KRT85: variants seen among roughly 807,000 people sequenced by gnomAD.
The protein encoded by KRT85 is keratin, type II cuticular Hb5.
Under a neutral mutation model 53.7 loss-of-function variants are expected in KRT85, and 39 were observed. That is an observed-to-expected ratio of 0.73 (90% CI 0.56 to 0.95). The LOEUF (loss-of-function observed/expected upper bound fraction) is 0.95, where lower values mean the gene tolerates loss of function less well. Ranked by LOEUF, KRT85 falls within the 40% of genes least tolerant of loss-of-function variation. KRT85 has a pLI of 0.00. For missense variants in KRT85, 668 were observed against 686.0 expected, an observed-to-expected ratio of 0.97 and a Z score of 0.29; for synonymous variants, 291 against 277.5, an observed-to-expected ratio of 1.05 and a Z score of -0.48.
At chr12:52,365,209 G>A (rs1939254903) in intron 1 of KRT85, 39 bp from the exon 2 acceptor site, 2 of 1,604,462 alleles carry the variant, frequency 1.2e-6, no homozygotes, top group Admixed American at 1.7e-5. Context: ...GAGGGAGCCT[G>A]GGGGGAGGCA....
intron 5 of KRT85, 84 bp from the exon 6 acceptor site, chr12:52,363,063 C>A: frequency 6.2e-7 from 1 of 1,605,594 alleles, no homozygotes; most frequent in South Asian, 1.1e-5. Context: ...ACAGGTTGTA[C>A]GGTGCTCAGC....
chr12:52,364,005 C>G, intron 4 of KRT85, 63 bp downstream of exon 4: 2 of 1,275,350 alleles, frequency 1.6e-6, no homozygotes, highest in Non-Finnish European at 2.3e-6. Context: ...CCTTGCCTCA[C>G]TGCTCCCCTG....
rs189020838 is a variant in KRT85 at position 52,364,320 on chromosome 12, C to G, written c.676G>C (p.Val226Leu). 8.1e-6 allele frequency: 13 copies of G among 1,614,194 alleles called. No homozygotes were observed. The East Asian group carries it at 1.1e-4, about 14-fold the overall frequency. Residue 226 changes from valine (V) to leucine (L), a missense_variant, in exon 3 of 9, where the codon GTC becomes CTC. By Grantham distance (32) the Val-to-Leu change is conservative. Coordinates refer to ENST00000257901, the MANE Select transcript of KRT85 (RefSeq NM_002283.4). ...CAGCCCCTCACCTTCTTTAGAACGA[C>G]AAACTCATTCTCTGCTGTGGCTCTC... The part of the protein sequence containing the change: ...ALRATAENEF[V>L]VLKKDVDCAY...
chr12:52,362,997 G>C lies in KRT85; in HGVS notation c.952-18C>G, dbSNP rs1939216670. 2 of 1,614,122 alleles carry C rather than the reference G, an allele frequency of 1.2e-6. No homozygotes were observed. Among genetic ancestry groups the C allele is most frequent in the African/African-American group, 2.7e-5 (2 of 75,016 alleles). ...TCCTCACACTGGAGGAAGTAGAGAT[G>C]CTCATGAGGCTCAGGGTGGGGCCCC... is the stretch of plus-strand genomic sequence containing the variant. On this transcript the variant is annotated intron_variant, in intron 5 of 8. Coordinates refer to ENST00000257901, the MANE Select transcript of KRT85 (RefSeq NM_002283.4).
In KRT85 at chr12:52,365,065, T is replaced by G; in HGVS notation, c.526A>C (p.Ile176Leu). ...TCGGCCTCCCGCCGCAGAGTCTCGA[T>G]GTAGCCACTGAACAGTGGCTCCAGG... ...SNLEPLFSGY[I>L]ETLRREAECV... is the part of the protein sequence containing the mutation. The change falls in exon 2 of 9, where the codon ATC (isoleucine) becomes CTC (leucine). Residue 176 changes from isoleucine to leucine, a missense_variant. Physicochemically the swap from Ile to Leu is conservative, Grantham distance 5. Transcript: ENST00000257901. The G allele has an allele frequency of 6.2e-7, 1 of 1,613,936 alleles. No homozygotes were observed. The highest frequency in any genetic ancestry group is 8.5e-7 in the Non-Finnish European group (1 of 1,180,054).
chr12:52,363,701 T>C (rs1237673242), intron 4 of KRT85, among the ~76,000 whole-genome samples: 2 of 152,204 alleles, frequency 1.3e-5, no homozygotes, highest in Admixed American at 1.3e-4. Flanking sequence ...GTTTGGAGGC[T>C]AGGATGAGTG....
At chr12:52,361,614 A>G (rs1939191994) in intron 7 of KRT85, 116 bp from the exon 8 acceptor site, 1 of 906,162 alleles carries the variant, frequency 1.1e-6, no homozygotes, top group East Asian at 2.5e-5. Context: ...CTGAAAGGCA[A>G]GAAGGGCTCC....
Position 52,362,834 on chromosome 12 carries a change from G to A in KRT85, c.1077+20C>T, listed in dbSNP as rs745736301. ...TGCAGCCTGCCTGTGCTGCGTATTT[G>A]AATCCTCCACAGACCCCACCTGGCA... On this transcript the variant is annotated intron_variant, in intron 6 of 8. Transcript: ENST00000257901. The A allele has an allele frequency of 2.5e-6, 4 of 1,614,050 alleles. No homozygotes were observed. The highest frequency in any genetic ancestry group is 3.4e-6 in the Non-Finnish European group (4 of 1,180,054).
At position 52,364,316 on chromosome 12, in the gene KRT85, A is replaced by C; in HGVS notation, c.680T>G (p.Val227Gly). 3.7e-6 allele frequency: 6 copies of C among 1,614,082 alleles called. No individual in the cohort carries two copies. Among genetic ancestry groups the C allele is most frequent in the Non-Finnish European group, 5.1e-6 (6 of 1,180,008 alleles). The part of the protein sequence containing the change: ...LRATAENEFV[V>G]LKKDVDCAYL... ...TGACCAGCCCCTCACCTTCTTTAGAACGACAAACTCATTCTCTGCTGTGGC... is the reference window on the plus strand; with the variant it reads ...TGACCAGCCCCTCACCTTCTTTAGACCGACAAACTCATTCTCTGCTGTGGC... Residue 227 changes from valine to glycine, a missense_variant, in exon 3 of 9, where the codon GTT becomes GGT. Physicochemically the swap from Val to Gly is moderately radical, Grantham distance 109 (BLOSUM62 -3). Around this residue, in one of 3 missense-constraint regions of KRT85, gnomAD observed 488 missense variants for 498.1 expected, o/e 0.98. Coordinates refer to ENST00000257901, the MANE Select transcript of KRT85 (RefSeq NM_002283.4).
chr12:52,365,274 T>G, intron 1 of KRT85, 104 bp from the exon 2 acceptor site: 2 of 1,237,044 alleles, frequency 1.6e-6, no homozygotes, highest in Non-Finnish European at 2.3e-6. Context: ...GGCTGAGCCA[T>G]AAAGCTGAGT....
rs572711402 is a variant in KRT85 at position 52,363,064 on chromosome 12, G to A, written c.952-85C>T. 1,869 of 1,602,626 alleles carry A rather than the reference G, an allele frequency of 1.2e-3. 2 individuals are homozygous for A. Among genetic ancestry groups the A allele is most frequent in the Non-Finnish European group, 1.4e-3 (1,600 of 1,171,138 alleles). ...CCACAGATGACTATACAGGTTGTAC[G>A]GTGCTCAGCCTGTGCAACCACACAT... On this transcript the variant is annotated intron_variant, in intron 5 of 8. Transcript: ENST00000257901.
rs2298795 is a variant in KRT85 at position 52,365,210 on chromosome 12, G to C, written c.421-40C>G. 193,271 of 1,605,996 alleles carry C rather than the reference G, an allele frequency of 0.12. 15,375 individuals are homozygous for C. Among genetic ancestry groups the C allele is most frequent in the East Asian group, 0.46 (20,558 of 44,798 alleles). ...GAAAGAAGAAGTCAGAGGGAGCCTGGGGGGAGGCACCTGGTCCCCCACAGT... is the reference window on the plus strand; with the variant it reads ...GAAAGAAGAAGTCAGAGGGAGCCTGCGGGGAGGCACCTGGTCCCCCACAGT... On this transcript the variant is annotated intron_variant, in intron 1 of 8. Coordinates refer to ENST00000257901, the MANE Select transcript of KRT85 (RefSeq NM_002283.4).
Position 52,361,031 on chromosome 12 carries a change from C to A in KRT85, c.1346G>T (p.Arg449Leu). ...GAGGCCCCCACAGGAGACTCCACCA[C>A]GGGAGCTGCTGACACCTGTGGAGAG... ...GSVNVCVSSS[R>L]GGVSCGGLSY... Residue 449 changes from arginine to leucine, a missense_variant, in exon 9 of 9, where the codon CGT (arginine) becomes CTT (leucine). This residue lies in a region of KRT85 where 488 missense variants were observed against 498.1 expected (regional missense o/e 0.98). Transcript: ENST00000257901. 1 of 1,612,764 alleles carries A rather than the reference C, an allele frequency of 6.2e-7. No individual in the cohort carries two copies. Among genetic ancestry groups the A allele is most frequent in the Non-Finnish European group, 8.5e-7 (1 of 1,179,406 alleles).
rs764883148 is a variant in KRT85, at chr12:52,362,466, G to T, written c.1083C>A (p.Ala361=). ...CCTCAGCCACAGCAGCCTCCAGCTT[G>T]GCACGCTATCAGGTGGAGATACAAG... ...AEIENAKCQR[A]KLEAAVAEAE... Residue 361 remains alanine, a synonymous_variant, in exon 7 of 9, where the codon GCC becomes GCA. Coordinates refer to ENST00000257901, the MANE Select transcript of KRT85 (RefSeq NM_002283.4). The T allele has an allele frequency of 1.1e-5, 17 of 1,613,990 alleles. No individual in the cohort carries two copies. The highest frequency in any genetic ancestry group is 1.7e-5 in the Admixed American group (1 of 59,988).
chr12:52,362,118 T>C (rs1939199179), intron 7 of KRT85, 133 bp downstream of exon 7: 3 of 1,075,678 alleles, frequency 2.8e-6, no homozygotes, highest in Admixed American at 2.0e-5. Context: ...CATTCAGTTA[T>C]TATTATTATT....
In KRT85 at chr12:52,362,900, C is replaced by T. The variant is rs751110818; in HGVS notation, c.1031G>A (p.Arg344His). ...RTKEEINELN[R>H]MIQRLTAEIE... ...CTCGGCCGTCAGCCTCTGGATCATG[C>T]GGTTCAGCTCGTTGATCTCCTCCTT... The change falls in exon 6 of 9, where the codon CGC becomes CAC. Residue 344 changes from arginine to histidine, a missense_variant. Physicochemically the swap from Arg to His is conservative, Grantham distance 29. Transcript: ENST00000257901. 1.5e-5 allele frequency: 25 copies of T among 1,614,036 alleles called. No individual in the cohort carries two copies. The highest frequency in any genetic ancestry group is 5.3e-5 in the African/African-American group (4 of 74,902).
At chr12:52,364,854 C>A (rs964580814) in intron 2 of KRT85, 108 bp downstream of exon 2, 1 of 1,591,532 alleles carries the variant, frequency 6.3e-7, no homozygotes, top group Admixed American at 1.7e-5. Context: ...GGGTTCCAGG[C>A]AGCCTGCTAG....
In KRT85 at chr12:52,363,015, G is replaced by T. The variant is rs199836290; in HGVS notation, c.952-36C>A. 1.6e-5 allele frequency: 26 copies of T among 1,614,062 alleles called. No individual in the cohort carries two copies. In the African/African-American group the frequency reaches 3.1e-4, roughly 19 times the overall value. ...TAGAGATGCTCATGAGGCTCAGGGT[G>T]GGGCCCCCCATCCATTCAGGACACC... On this transcript the variant is annotated intron_variant, in intron 5 of 8. Coordinates refer to ENST00000257901, the MANE Select transcript of KRT85 (RefSeq NM_002283.4).
At chr12:52,364,415 T>C in intron 2 of KRT85, 49 bp from the exon 3 acceptor site, 1 of 1,614,134 alleles carries the variant, frequency 6.2e-7, no homozygotes, top group Non-Finnish European at 8.5e-7. Context: ...GGACCTTGAA[T>C]ACCATCCCAA....
Sources: allele counts gnomAD v4.1 joint callset (sites outside exome capture counted in the v4.1 genomes callset), GRCh38; gene constraint gnomAD v4.1.1; regional missense constraint gnomAD v4.1.1; transcripts MANE v1.5; gene names NCBI Gene and HGNC (gene_info 2026-07-23, HGNC 2026-07-21).